GCC2: variants seen among roughly 807,000 people sequenced by gnomAD.
GCC2 encodes the protein GRIP and coiled-coil domain containing 2, also known as GRIP and coiled-coil domain-containing protein 2.
Under a neutral mutation model 210.6 loss-of-function variants are expected in GCC2, and 120 were observed. The observed-to-expected ratio is 0.57, with a 90% CI of 0.49 to 0.66. The LOEUF is 0.66. Ranked by LOEUF, GCC2 falls within the 30% of genes least tolerant of loss-of-function variation. The probability of loss-of-function intolerance (pLI) is 0.00; values close to 1 mark genes in which losing one functional copy is unlikely to be tolerated. For synonymous variants in GCC2, 703 were observed against 652.7 expected (o/e 1.08, Z -1.17); for missense variants, 1,868 against 1,871.9 (o/e 1.00, Z 0.04).
chr2:108,472,802 T>TA, intron 6 of GCC2, 25 bp from the exon 7 acceptor site: 1 of 1,344,238 alleles, frequency 7.4e-7, no homozygotes, highest in Non-Finnish European at 1.0e-6. Flanking sequence ...TTGTTTTGTG[T>TA]TTTTTTTTCC....
At chr2:108,451,197 G>C (rs1573334567) in intron 3 of GCC2, 85 bp downstream of exon 3, 1 of 750,524 alleles carries the variant, frequency 1.3e-6, no homozygotes, top group Admixed American at 2.4e-5. Flanking sequence ...GCATTGGCTT[G>C]TTTTTGTTTG....
At chr2:108,450,897 A>T in intron 2 of GCC2, 131 bp from the exon 3 acceptor site, 1 of 640,560 alleles carries the variant, frequency 1.6e-6, no homozygotes, top group Non-Finnish European at 2.8e-6. Flanking sequence ...AAAAATGTGG[A>T]ACAAAGTATG....
At chr2:108,464,052 G>C (rs1680739851) in intron 4 of GCC2, among the ~76,000 whole-genome samples, 1 of 152,112 alleles carries the variant, frequency 6.6e-6, no homozygotes, top group South Asian at 2.1e-4. Context: ...TGTGCCCTTA[G>C]GTTCCTCGGT....
Position 108,495,103 on chromosome 2 carries a change from G to A in GCC2, c.4448-188G>A, listed in dbSNP as rs568211732. The A allele has an allele frequency of 6.0e-4, 234 of 388,342 alleles. 3 individuals are homozygous for A. The South Asian group carries it at 6.6e-3, about 11-fold the overall frequency. The allele number at this position is 388,342 out of a possible 1,614,324, so 24.1% of individuals were successfully genotyped here. On this transcript the variant is annotated intron_variant, in intron 19 of 22. Coordinates refer to ENST00000309863, the MANE Select transcript of GCC2 (RefSeq NM_181453.4). ...TAGGATTACAGATTTGAGCCACCAC[G>A]CCCAGCTTTGATGACTAAATTTTAA...
rs1330074691 is a variant in GCC2, at chr2:108,507,614, G to T, written c.5039G>T (p.Trp1680Leu). The T allele has an allele frequency of 1.3e-6, 2 of 1,592,794 alleles. No homozygotes were observed. The highest frequency in any genetic ancestry group is 1.7e-6 in the Non-Finnish European group (2 of 1,165,582). ...GGATGGGCATCCTATCTTCATAGTT[G>T]GTCTGGACTTCGATAGGTTGATGGA... Reference protein sequence around the residue: ...SSGWASYLHSWSGLR With the variant: ...SSGWASYLHSLSGLR Residue 1680 changes from tryptophan (W) to leucine (L), a missense_variant, in exon 23 of 23, where the codon TGG (tryptophan) becomes TTG (leucine). Around this residue, in one of 3 missense-constraint regions of GCC2, gnomAD observed 20 missense variants for 28.2 expected, o/e 0.71. Transcript: ENST00000309863.
intron 22 of GCC2, among the ~76,000 whole-genome samples, chr2:108,503,969 C>G (rs983755904): frequency 6.6e-5 from 10 of 152,022 alleles, no homozygotes; most frequent in Non-Finnish European, 1.0e-4. Flanking sequence ...TATCCCAGAT[C>G]TGGTGGCATG....
chr2:108,496,327 C>T (rs1488149683), intron 20 of GCC2: 7 of 152,722 alleles, frequency 4.6e-5, no homozygotes, highest in African/African-American at 1.7e-4. Flanking sequence ...GGGAATCTGT[C>T]ATCTCCCTGA....
At chr2:108,482,916 G>A (rs1681943082) in intron 11 of GCC2, 146 bp from the exon 12 acceptor site, 1 of 587,382 alleles carries the variant, frequency 1.7e-6, no homozygotes. Flanking sequence ...TCCTGACCTT[G>A]TGATCCACCC....
chr2:108,485,287 A>G (rs1358343748), intron 13 of GCC2, among the ~76,000 whole-genome samples: 2 of 151,996 alleles, frequency 1.3e-5, no homozygotes, highest in East Asian at 1.9e-4. Context: ...TAACCTGCAC[A>G]ATGTGCACAC....
At position 108,469,986 on chromosome 2, in the gene GCC2, C is replaced by T. The variant is rs1430018040; in HGVS notation, c.657C>T (p.Leu219=). The change falls in exon 6 of 23, where the codon CTC becomes CTT. Residue 219 remains leucine, a synonymous_variant. Coordinates refer to ENST00000309863, the MANE Select transcript of GCC2 (RefSeq NM_181453.4). Reference sequence around the variant, plus strand: ...AAAAGAAGGAAACAGTTACTCAACTCCAAAATATCATTGAGGCTAATTCTC... The same window carrying T: ...AAAAGAAGGAAACAGTTACTCAACTTCAAAATATCATTGAGGCTAATTCTC... ...TDEKKETVTQ[L]QNIIEANSQH... 1.2e-6 allele frequency: 2 copies of T among 1,612,402 alleles called. No homozygotes were observed. Among genetic ancestry groups the T allele is most frequent in the Middle Eastern group, 1.6e-4 (1 of 6,080 alleles).
chr2:108,470,167 T>C lies in GCC2; in HGVS notation c.838T>C (p.Leu280=), dbSNP rs1284425608. 1 of 1,613,346 alleles carries C rather than the reference T, an allele frequency of 6.2e-7. No individual in the cohort carries two copies. The highest frequency in any genetic ancestry group is 8.5e-7 in the Non-Finnish European group (1 of 1,179,814). The change falls in exon 6 of 23, where the codon TTA becomes CTA. Residue 280 remains leucine, a synonymous_variant. Coordinates refer to ENST00000309863, the MANE Select transcript of GCC2 (RefSeq NM_181453.4). The stretch of plus-strand genomic sequence containing the variant: ...TAAGTTGAACGAGCTAAAAGAGAAC[T>C]TAGTAAAACAATGTGAGGCAAGTGA... ...INKLNELKEN[L]VKQCEASEKN... is the part of the protein sequence containing the mutation.
At chr2:108,462,946 G>C (rs958962890) in intron 4 of GCC2, among the ~76,000 whole-genome samples, 1 of 151,594 alleles carries the variant, frequency 6.6e-6, no homozygotes, top group Non-Finnish European at 1.5e-5. Flanking sequence ...TTTAAGTTCT[G>C]ACATTCTTTC....
intron 5 of GCC2, 114 bp from the exon 6 acceptor site, chr2:108,469,537 A>C: frequency 5.9e-6 from 4 of 681,648 alleles, no homozygotes; most frequent in Non-Finnish European, 1.0e-5. Context: ...CTCCAAATAC[A>C]TTTCTGCTCA....
At chr2:108,487,890 T>C in intron 17 of GCC2, 70 bp downstream of exon 17, 1 of 1,124,046 alleles carries the variant, frequency 8.9e-7, no homozygotes, top group South Asian at 1.4e-5. Flanking sequence ...AGATTGAAAA[T>C]CCTATTATGA....
chr2:108,486,390 A>G, intron 15 of GCC2, 121 bp from the exon 16 acceptor site: 1 of 856,778 alleles, frequency 1.2e-6, no homozygotes. Flanking sequence ...AAAATATTTC[A>G]CTACTTAATT....
chr2:108,503,470 A>C (rs1314217892), intron 22 of GCC2, among the ~76,000 whole-genome samples: 4 of 152,256 alleles, frequency 2.6e-5, no homozygotes, highest in Non-Finnish European at 5.9e-5. Flanking sequence ...GCAAGAAAGA[A>C]AGACATGCAA....
intron 7 of GCC2, chr2:108,475,087 A>G (rs1681437209): frequency 6.5e-6 from 1 of 153,230 alleles, no homozygotes; most frequent in South Asian, 2.0e-4. Context: ...TGGATAGGTA[A>G]AACATATTAC....
chr2:108,451,121 T>C lies in GCC2; in HGVS notation c.148+9T>C. 6.7e-7 allele frequency: 1 copy of C among 1,489,370 alleles called. No homozygotes were observed. Among genetic ancestry groups the C allele is most frequent in the Non-Finnish European group, 9.3e-7 (1 of 1,069,824 alleles). The allele number at this position is 1,489,370 out of a possible 1,614,324, so 92.3% of individuals were successfully genotyped here. A position where few individuals can be genotyped will look rare whatever the true frequency, so the allele number is the denominator to read the frequency against. ...TAAATCAAGGTGTACAGGTATTGGGTTGAAAATACTCATCTTGATCACAGT... is the reference window on the plus strand; with the variant it reads ...TAAATCAAGGTGTACAGGTATTGGGCTGAAAATACTCATCTTGATCACAGT... On this transcript the variant is annotated intron_variant, in intron 3 of 22. Transcript: ENST00000309863.
At chr2:108,492,497 C>T (rs1048378593) in intron 18 of GCC2, 76 bp from the exon 19 acceptor site, 3 of 900,072 alleles carry the variant, frequency 3.3e-6, no homozygotes, top group African/African-American at 3.3e-5. Context: ...AATTCTCTTG[C>T]AGAACCCAGT....
Sources: gnomAD v4.1 joint callset for allele counts (sites outside exome capture counted in the v4.1 genomes callset) on GRCh38, gnomAD v4.1.1 for gene constraint, gnomAD v4.1.1 regional missense constraint, MANE v1.5 for transcripts, NCBI Gene and HGNC (gene_info 2026-07-23, HGNC 2026-07-21) for gene names.